The following ZMYM2 variants were observed in gnomAD, a reference collection of about 807,000 sequenced individuals.
ZMYM2 encodes zinc finger MYM-type protein 2.
ZMYM2 carries 56 observed loss-of-function variants against 162.8 expected under a neutral mutation model. The ratio of observed to expected loss-of-function variants is 0.34; its 90% CI spans 0.28 to 0.43. ZMYM2 has a LOEUF of 0.43. Among genes scored for constraint, ZMYM2 ranks in the 20% least tolerant of loss-of-function variants. The probability of loss-of-function intolerance (pLI) is 1.00; values close to 1 mark genes in which losing one functional copy is unlikely to be tolerated. For missense variants in ZMYM2, 1,275 were observed against 1,621.8 expected, an observed-to-expected ratio of 0.79 and a Z score of 3.67; for synonymous variants, 510 against 541.6, an observed-to-expected ratio of 0.94 and a Z score of 0.81.
the ZMYM2 span, among the ~76,000 whole-genome samples, chr13:19,865,631 C>T: frequency 1.3e-5 from 2 of 152,110 alleles, no homozygotes; most frequent in East Asian, 1.9e-4. Flanking sequence ...GCTCAGTAGC[C>T]ACTTGTCATC....
chr13:19,877,360 G>A, the ZMYM2 span, among the ~76,000 whole-genome samples: 1 of 152,216 alleles, frequency 6.6e-6, no homozygotes, highest in Admixed American at 6.5e-5. Flanking sequence ...GTAGACATGT[G>A]TAAAGAGATC....
intron 21 of ZMYM2, chr13:20,068,416 C>G: frequency 6.1e-6 from 1 of 164,274 alleles, no homozygotes. Flanking sequence ...AGAACATTAA[C>G]CATAGAATTT....
chr13:19,957,772 C>A (rs1311905622), upstream of ZMYM2, among the ~76,000 whole-genome samples: 1 of 152,242 alleles, frequency 6.6e-6, no homozygotes, highest in Non-Finnish European at 1.5e-5. Context: ...CGCCCCAGGG[C>A]AGGCCTCAGC....
the ZMYM2 span, among the ~76,000 whole-genome samples, chr13:19,892,577 C>T: frequency 6.6e-6 from 1 of 150,742 alleles, no homozygotes; most frequent in African/African-American, 2.4e-5. Context: ...GCCTGTCCCA[C>T]TAATGATTTA....
chr13:19,923,280 C>T, the ZMYM2 span, among the ~76,000 whole-genome samples: 1 of 138,254 alleles, frequency 7.2e-6, no homozygotes, highest in South Asian at 2.3e-4. Context: ...TCCCTTGAAC[C>T]CAGGAGGTGG....
At position 20,012,059 on chromosome 13, in the gene ZMYM2, T is replaced by TAG. The variant is rs542561865; in HGVS notation, c.1512+5474_1512+5475insGA. On this transcript the variant is annotated intron_variant, in intron 6 of 24. Transcript: ENST00000610343. ...GCCACAGCGCCTGGGCTAATACTTGTATTTTTAGTAGAGATGGGGTTCCAC... is the reference window on the plus strand; with the variant it reads ...GCCACAGCGCCTGGGCTAATACTTGTAGATTTTTAGTAGAGATGGGGTTCCAC... Among the ~76,000 whole-genome samples the TAG allele has an allele frequency of 4.0e-4, 61 of 152,246 alleles. 1 individual carries two copies. Among genetic ancestry groups the TAG allele is most frequent in the Admixed American group, 3.1e-3 (47 of 15,298 alleles).
intron 12 of ZMYM2, among the ~76,000 whole-genome samples, chr13:20,045,422 T>C (rs1411084013): frequency 1.3e-5 from 2 of 152,210 alleles, no homozygotes; most frequent in Non-Finnish European, 2.9e-5. Flanking sequence ...ATGTAAACTT[T>C]AAAAATTAAG....
intron 12 of ZMYM2, among the ~76,000 whole-genome samples, chr13:20,040,531 G>T (rs1214429483): frequency 6.6e-6 from 1 of 151,386 alleles, no homozygotes; most frequent in Non-Finnish European, 1.5e-5. Flanking sequence ...GCCCACCCCT[G>T]CACGCAAAAA....
the ZMYM2 span, among the ~76,000 whole-genome samples, chr13:19,938,421 C>G: frequency 6.6e-6 from 1 of 152,142 alleles, no homozygotes; most frequent in African/African-American, 2.4e-5. Flanking sequence ...TCACTTGAAC[C>G]TGGGAGGCCA....
the ZMYM2 span, among the ~76,000 whole-genome samples, chr13:19,923,563 C>T: frequency 1.3e-5 from 2 of 149,170 alleles, no homozygotes; most frequent in Non-Finnish European, 3.0e-5. Context: ...TTCCCTATAT[C>T]ACCCAGCCTG....
At chr13:19,994,785 G>A (rs745366326) in intron 3 of ZMYM2, among the ~76,000 whole-genome samples, 15 of 151,888 alleles carry the variant, frequency 9.9e-5, no homozygotes, top group Non-Finnish European at 1.8e-4. Flanking sequence ...CACTGCACCT[G>A]GCCGCATTTA....
At chr13:19,865,638 C>T in the ZMYM2 span, among the ~76,000 whole-genome samples, 1 of 152,116 alleles carries the variant, frequency 6.6e-6, no homozygotes, top group South Asian at 2.1e-4. Flanking sequence ...AGCCACTTGT[C>T]ATCTATTTTC....
chr13:19,991,454 A>G (rs1949614623), intron 2 of ZMYM2, among the ~76,000 whole-genome samples: 1 of 151,956 alleles, frequency 6.6e-6, no homozygotes, highest in African/African-American at 2.4e-5. Flanking sequence ...ATTTTCTTTG[A>G]CTTCAGCACA....
chr13:19,907,526 A>G, the ZMYM2 span, among the ~76,000 whole-genome samples: 2 of 152,154 alleles, frequency 1.3e-5, no homozygotes, highest in African/African-American at 4.8e-5. Context: ...TTGGGAGGCC[A>G]AGATAGGCAG....
chr13:19,923,293 G>C, the ZMYM2 span, among the ~76,000 whole-genome samples: 3 of 144,560 alleles, frequency 2.1e-5, no homozygotes, highest in Non-Finnish European at 4.5e-5. Context: ...GGAGGTGGAG[G>C]TTGCAGTGAG....
intron 21 of ZMYM2, among the ~76,000 whole-genome samples, chr13:20,078,673 T>C (rs1297301856): frequency 6.6e-6 from 1 of 152,216 alleles, no homozygotes; most frequent in East Asian, 1.9e-4. Context: ...AAACAGGGCC[T>C]TTGAAATGTG....
the ZMYM2 span, among the ~76,000 whole-genome samples, chr13:19,866,482 A>G: frequency 6.6e-6 from 1 of 151,862 alleles, no homozygotes; most frequent in African/African-American, 2.4e-5. Context: ...CTTGACCAAC[A>G]TGGCGAAACC....
the ZMYM2 span, among the ~76,000 whole-genome samples, chr13:19,922,947 G>C: frequency 6.6e-6 from 1 of 151,474 alleles, no homozygotes; most frequent in Non-Finnish European, 1.5e-5. Context: ...TCTGGAACCT[G>C]GGAGGTGGAG....
upstream of ZMYM2, among the ~76,000 whole-genome samples, chr13:19,958,304 G>C (rs1317999621): frequency 1.3e-5 from 2 of 152,178 alleles, no homozygotes; most frequent in South Asian, 2.1e-4. Flanking sequence ...GGGAGCCGCT[G>C]CCGCGGCCTG....
Sources: gnomAD v4.1 joint callset for allele counts (sites outside exome capture counted in the v4.1 genomes callset) on GRCh38, gnomAD v4.1.1 for gene constraint, MANE v1.5 for transcripts, NCBI Gene and HGNC (gene_info 2026-07-23, HGNC 2026-07-21) for gene names.